Variants in SBF2 observed in about 807,000 individuals in gnomAD.
SBF2 encodes the protein myotubularin-related protein 13.
SBF2 carries 112 observed loss-of-function variants against 225.2 expected under a neutral mutation model. The observed-to-expected ratio is 0.50, with a 90% CI of 0.43 to 0.58. The LOEUF is 0.58. Ranked by LOEUF, SBF2 falls within the 20% of genes least tolerant of loss-of-function variation. The pLI is 0.00. For synonymous variants in SBF2, 763 were observed against 773.3 expected (o/e 0.99, Z 0.22); for missense variants, 1,996 against 2,206.2 (o/e 0.90, Z 1.91).
At chr11:9,865,899 C>T (rs1311280494) in intron 17 of SBF2, among the ~76,000 whole-genome samples, 1 of 151,940 alleles carries the variant, frequency 6.6e-6, no homozygotes, top group African/African-American at 2.4e-5. Flanking sequence ...GAATATACAG[C>T]ATTTTCTTGT....
intron 16 of SBF2, among the ~76,000 whole-genome samples, chr11:9,953,801 G>A (rs1478326363): frequency 6.6e-6 from 1 of 152,024 alleles, no homozygotes; most frequent in Non-Finnish European, 1.5e-5. Flanking sequence ...CAAAATAATG[G>A]TTTATATTTG....
intron 1 of SBF2, among the ~76,000 whole-genome samples, chr11:10,200,494 T>C (rs1262883689): frequency 6.6e-6 from 1 of 152,224 alleles, no homozygotes; most frequent in Non-Finnish European, 1.5e-5. Context: ...CACAAGACTC[T>C]TGATTTACTG....
At chr11:10,005,153 C>T (rs1382542098) in intron 6 of SBF2, among the ~76,000 whole-genome samples, 1 of 152,206 alleles carries the variant, frequency 6.6e-6, no homozygotes, top group Non-Finnish European at 1.5e-5. Flanking sequence ...TGGTGATCAG[C>T]AGCTTCCTGA....
In SBF2 at chr11:10,290,425, G is replaced by T. The variant is rs138864342; in HGVS notation, c.55+3590C>A. Among the ~76,000 whole-genome samples the T allele has an allele frequency of 2.3e-3, 347 of 152,212 alleles. 1 individual carries two copies. The highest frequency in any genetic ancestry group is 6.8e-3 in the Middle Eastern group (2 of 294). ...GTGTGTCAGAGTCTGAGTGGGGTAC[G>T]AAGTGTGTCCACCGACAGTGGGGAG... On this transcript the variant is annotated intron_variant, in intron 1 of 39. Coordinates refer to ENST00000256190, the MANE Select transcript of SBF2 (RefSeq NM_030962.4).
intron 2 of SBF2, among the ~76,000 whole-genome samples, chr11:10,082,613 A>G (rs542271000): frequency 5.9e-5 from 9 of 152,348 alleles, no homozygotes; most frequent in South Asian, 2.1e-4. Flanking sequence ...TTCACTAGAT[A>G]AACACAATTA....
At chr11:10,209,092 T>C (rs1158924032) in intron 1 of SBF2, among the ~76,000 whole-genome samples, 2 of 152,152 alleles carry the variant, frequency 1.3e-5, no homozygotes, top group Non-Finnish European at 2.9e-5. Context: ...TACACATAAA[T>C]TTCTCATTAA....
At chr11:9,977,301 T>C (rs889107104) in intron 13 of SBF2, among the ~76,000 whole-genome samples, 8 of 151,780 alleles carry the variant, frequency 5.3e-5, no homozygotes, top group East Asian at 1.9e-4. Flanking sequence ...CTGGGCAACA[T>C]AGTGAGACCC....
At chr11:10,174,771 G>A (rs1956378689) in intron 2 of SBF2, among the ~76,000 whole-genome samples, 1 of 152,074 alleles carries the variant, frequency 6.6e-6, no homozygotes, top group Non-Finnish European at 1.5e-5. Context: ...GAAAGGTCCG[G>A]TTACCCACAA....
chr11:9,915,756 A>T (rs1863031276), intron 16 of SBF2: 3 of 152,142 alleles, frequency 2.0e-5, no homozygotes, highest in African/African-American at 7.2e-5. Context: ...TCATATATAT[A>T]AAAAATGTCA....
chr11:9,817,045 T>C lies in SBF2; in HGVS notation c.3794-21A>G, dbSNP rs370196520. The C allele has an allele frequency of 1.9e-6, 3 of 1,613,354 alleles. No homozygotes were observed. The African/African-American group carries it at 4.0e-5, about 22-fold the overall frequency. The stretch of plus-strand genomic sequence containing the variant: ...CACACCTTCACAAAAGCCAAAGTCG[T>C]GGAGTGAGATAATCTAATGTGGGAA... On this transcript the variant is annotated intron_variant, in intron 28 of 39. Transcript: ENST00000256190.
intron 16 of SBF2, among the ~76,000 whole-genome samples, chr11:9,922,984 A>C (rs566597947): frequency 7.2e-5 from 11 of 152,276 alleles, no homozygotes; most frequent in Non-Finnish European, 1.3e-4. Flanking sequence ...GGAGAGTTTC[A>C]GCTACCTTTA....
intron 8 of SBF2, among the ~76,000 whole-genome samples, chr11:9,999,475 C>T (rs1947857708): frequency 6.6e-6 from 1 of 152,100 alleles, no homozygotes; most frequent in Admixed American, 6.5e-5. Context: ...CATGCACCAC[C>T]ACACCCAGCT....
At chr11:10,095,013 T>C (rs916182782) in intron 2 of SBF2, among the ~76,000 whole-genome samples, 2 of 151,752 alleles carry the variant, frequency 1.3e-5, no homozygotes, top group African/African-American at 2.4e-5. Context: ...ATAAAATATA[T>C]AAAATATATA....
At chr11:10,061,715 A>T (rs1490631614) in intron 2 of SBF2, among the ~76,000 whole-genome samples, 1 of 152,228 alleles carries the variant, frequency 6.6e-6, no homozygotes, top group Non-Finnish European at 1.5e-5. Flanking sequence ...ATGGAAAAAC[A>T]TCCCATGCTC....
chr11:10,242,158 T>C (rs1959267686), intron 1 of SBF2, among the ~76,000 whole-genome samples: 1 of 151,918 alleles, frequency 6.6e-6, no homozygotes, highest in South Asian at 2.1e-4. Context: ...AAATAAAAAC[T>C]ACCCACAAAA....
At chr11:9,904,697 G>T (rs537553100) in intron 16 of SBF2, among the ~76,000 whole-genome samples, 2 of 152,264 alleles carry the variant, frequency 1.3e-5, no homozygotes, top group South Asian at 4.1e-4. Context: ...TGTTCACATG[G>T]ATTTAAAAAA....
intron 16 of SBF2, among the ~76,000 whole-genome samples, chr11:9,913,138 C>A (rs1011008367): frequency 2.6e-5 from 4 of 151,934 alleles, no homozygotes; most frequent in African/African-American, 9.7e-5. Context: ...ACAAAAATTA[C>A]CTCGGTGTGG....
intron 1 of SBF2, among the ~76,000 whole-genome samples, chr11:10,249,970 T>C (rs1057173079): frequency 4.6e-5 from 7 of 151,894 alleles, no homozygotes; most frequent in African/African-American, 9.7e-5. Context: ...ATGGGAAGCA[T>C]TGTCAAAATA....
intron 2 of SBF2, among the ~76,000 whole-genome samples, chr11:10,052,681 C>G (rs11823001): frequency 6.6e-6 from 1 of 152,002 alleles, no homozygotes; most frequent in South Asian, 2.1e-4. Flanking sequence ...ATAAAAGGTA[C>G]GTGCTAATAT....
Sources: gnomAD v4.1 joint callset for allele counts (sites outside exome capture counted in the v4.1 genomes callset) on GRCh38, gnomAD v4.1.1 for gene constraint, MANE v1.5 for transcripts, NCBI Gene and HGNC (gene_info 2026-07-23, HGNC 2026-07-21) for gene names.